The following NYAP2 variants were observed in gnomAD, a reference collection of about 807,000 sequenced individuals.
NYAP2 encodes neuronal tyrosine-phosphorylated phosphoinositide-3-kinase adaptor 2.
Under a neutral mutation model 50.4 loss-of-function variants are expected in NYAP2, and 23 were observed. That is an observed-to-expected ratio of 0.46 (90% CI 0.33 to 0.65). The LOEUF is 0.65. NYAP2 is among the 30% of genes least tolerant of loss of function. The pLI, the probability that NYAP2 is intolerant of heterozygous loss-of-function variation, is 0.02. For missense variants in NYAP2, 885 were observed against 861.0 expected, an observed-to-expected ratio of 1.03 and a Z score of -0.35; for synonymous variants, 394 against 365.2, an observed-to-expected ratio of 1.08 and a Z score of -0.90.
At chr2:225,652,007 A>G (rs1481430288) in exon 7 of NYAP2, 2 of 158,442 alleles carry the variant, frequency 1.3e-5, no homozygotes. Flanking sequence ...ATGAATTTGT[A>G]CATATTTCTT....
intron 3 of NYAP2, among the ~76,000 whole-genome samples, chr2:225,466,591 A>ATATAG (rs1356134875): frequency 6.6e-6 from 1 of 152,168 alleles, no homozygotes; most frequent in African/African-American, 2.4e-5. Flanking sequence ...CCAGTTGAAA[A>ATATAG]TGCTGTTTAG....
intron 3 of NYAP2, among the ~76,000 whole-genome samples, chr2:225,426,756 CCTGA>C (rs1695294310): frequency 1.3e-5 from 2 of 152,114 alleles, no homozygotes; most frequent in African/African-American, 4.8e-5. Flanking sequence ...GTCACTTCTG[CCTGA>C]CTATGAGTGA....
At chr2:225,402,320 A>G (rs1223005391) in intron 2 of NYAP2, among the ~76,000 whole-genome samples, 1 of 152,022 alleles carries the variant, frequency 6.6e-6, no homozygotes, top group Admixed American at 6.6e-5. Flanking sequence ...TAAATAAATT[A>G]TAGACTCCCA....
chr2:225,528,410 G>A (rs113959645), intron 4 of NYAP2, among the ~76,000 whole-genome samples: 13 of 152,116 alleles, frequency 8.5e-5, no homozygotes, highest in Non-Finnish European at 1.6e-4. Flanking sequence ...TCATCCCGCC[G>A]CAAAGTGCTT....
At chr2:225,677,453 T>C in the NYAP2 span, among the ~76,000 whole-genome samples, 3 of 152,148 alleles carry the variant, frequency 2.0e-5, no homozygotes, top group African/African-American at 4.8e-5. Context: ...CTGTGTTGAA[T>C]AGAGTGGTGA....
At chr2:225,584,986 T>C (rs1250476654) in intron 5 of NYAP2, among the ~76,000 whole-genome samples, 1 of 152,218 alleles carries the variant, frequency 6.6e-6, no homozygotes, top group Non-Finnish European at 1.5e-5. Flanking sequence ...CTGACATCTA[T>C]TGGGTAAAAG....
chr2:225,416,132 T>A (rs1021725467), intron 3 of NYAP2, among the ~76,000 whole-genome samples: 4 of 152,198 alleles, frequency 2.6e-5, no homozygotes, highest in African/African-American at 9.6e-5. Flanking sequence ...TTAATTCGAA[T>A]CACTTTTCTA....
intron 6 of NYAP2, among the ~76,000 whole-genome samples, chr2:225,642,712 G>A (rs1345701609): frequency 6.6e-6 from 1 of 152,158 alleles, no homozygotes; most frequent in East Asian, 1.9e-4. Flanking sequence ...TAGAGTTGAA[G>A]TCAGCTCTTA....
In NYAP2 at chr2:225,589,184, T is replaced by TA. The variant is rs1214192759; in HGVS notation, c.1618+6150dup. On this transcript the variant is annotated intron_variant, in intron 5 of 6. Transcript: ENST00000636099. ...TAATTAAAGTATGTGACCTGCAACA[T>TA]AGAGACTGTGTGACTTGTACTTCCA... Among the ~76,000 whole-genome samples the TA allele has an allele frequency of 4.1e-4, 63 of 152,056 alleles. No homozygotes were observed. The East Asian group carries it at 0.012, about 28-fold the overall frequency.
chr2:225,435,834 A>G (rs942813360), intron 3 of NYAP2, among the ~76,000 whole-genome samples: 1 of 152,206 alleles, frequency 6.6e-6, no homozygotes, highest in African/African-American at 2.4e-5. Flanking sequence ...GCTAGTAGTA[A>G]AGAACTTGGG....
At chr2:225,504,073 T>C (rs1690657504) in intron 3 of NYAP2, among the ~76,000 whole-genome samples, 1 of 152,160 alleles carries the variant, frequency 6.6e-6, no homozygotes, top group African/African-American at 2.4e-5. Flanking sequence ...GTTAGGTAAG[T>C]CAGGAAGGAA....
chr2:225,586,345 T>C (rs1692389343), intron 5 of NYAP2, among the ~76,000 whole-genome samples: 1 of 152,198 alleles, frequency 6.6e-6, no homozygotes, highest in Non-Finnish European at 1.5e-5. Context: ...AAATATGGCC[T>C]TCACATTCAT....
At chr2:225,444,956 G>T (rs1559181482) in intron 3 of NYAP2, among the ~76,000 whole-genome samples, 1 of 152,156 alleles carries the variant, frequency 6.6e-6, no homozygotes, top group East Asian at 1.9e-4. Context: ...CAGCACAAAA[G>T]ATTTGGAATG....
At chr2:225,644,881 C>T (rs1345282556) in intron 6 of NYAP2, among the ~76,000 whole-genome samples, 1 of 151,948 alleles carries the variant, frequency 6.6e-6, no homozygotes, top group Non-Finnish European at 1.5e-5. Flanking sequence ...AGTGTGATGC[C>T]TCCAGCTTTG....
chr2:225,407,386 T>G (rs1231942252), intron 2 of NYAP2, among the ~76,000 whole-genome samples: 1 of 151,920 alleles, frequency 6.6e-6, no homozygotes, highest in Non-Finnish European at 1.5e-5. Flanking sequence ...TACAAAAACT[T>G]AACATAAAAA....
rs771055499 is a variant in NYAP2, at chr2:225,582,914, G to C, written c.1497G>C (p.Pro499=). Reference sequence around the variant, plus strand: ...CGGTGAACACCTACGGGGCAGCCCCGGGTGGCTCCCGGTCCCGGACACCCA... The same window carrying C: ...CGGTGAACACCTACGGGGCAGCCCCCGGTGGCTCCCGGTCCCGGACACCCA... The change falls in exon 5 of 7, where the codon CCG becomes CCC. Residue 499 remains proline (P), a synonymous_variant. Coordinates refer to ENST00000636099, the Ensembl canonical transcript of NYAP2. This position sits in a 1 kb window ranked among gnomAD's most constrained non-coding sequence, Gnocchi z 7.0. 3 of 1,613,132 alleles carry C rather than the reference G, an allele frequency of 1.9e-6. No individual in the cohort carries two copies. Among genetic ancestry groups the C allele is most frequent in the Admixed American group, 3.3e-5 (2 of 60,014 alleles).
At chr2:225,409,300 A>G (rs1694993478) in intron 3 of NYAP2, among the ~76,000 whole-genome samples, 199 bp downstream of exon 3, 1 of 152,036 alleles carries the variant, frequency 6.6e-6, no homozygotes. Context: ...AACAAAAGTT[A>G]TTTCCTTGTG....
chr2:225,484,886 T>C (rs1197998216), intron 3 of NYAP2, among the ~76,000 whole-genome samples: 1 of 152,212 alleles, frequency 6.6e-6, no homozygotes, highest in Non-Finnish European at 1.5e-5. Context: ...CATCTAGAAA[T>C]GAAAACTTGG....
intron 2 of NYAP2, among the ~76,000 whole-genome samples, chr2:225,402,483 A>G (rs1312610577): frequency 1.3e-5 from 2 of 152,146 alleles, no homozygotes; most frequent in South Asian, 2.1e-4. Flanking sequence ...TGAGTCTCCA[A>G]TATTAATGGA....
Sources: allele counts gnomAD v4.1 joint callset (sites outside exome capture counted in the v4.1 genomes callset), GRCh38; gene constraint gnomAD v4.1.1; non-coding constraint Gnocchi (gnomAD v3.1); transcripts MANE v1.5; gene names NCBI Gene and HGNC (gene_info 2026-07-23, HGNC 2026-07-21).